Variants in TOLLIP observed in about 807,000 individuals in gnomAD.
TOLLIP encodes the protein toll-interacting protein.
Under a neutral mutation model 33.5 loss-of-function variants are expected in TOLLIP, and 16 were observed. That is an observed-to-expected ratio of 0.48 (90% CI 0.32 to 0.72). The LOEUF (loss-of-function observed/expected upper bound fraction) is 0.72. Ranked by LOEUF, TOLLIP falls within the 30% of genes least tolerant of loss-of-function variation. The pLI is 0.03. For synonymous variants in TOLLIP, 176 were observed against 163.7 expected (o/e 1.07, Z -0.57); for missense variants, 325 against 396.6 (o/e 0.82, Z 1.53).
intron 5 of TOLLIP, among the ~76,000 whole-genome samples, chr11:1,279,099 T>G (rs1470189652): frequency 1.3e-5 from 2 of 152,224 alleles, no homozygotes; most frequent in Non-Finnish European, 2.9e-5. Flanking sequence ...GGAGGGGAAC[T>G]GCTGCAAAAT....
chr11:1,305,381 AG>A (rs1413443695), intron 1 of TOLLIP, among the ~76,000 whole-genome samples: 2 of 152,182 alleles, frequency 1.3e-5, no homozygotes, highest in Non-Finnish European at 2.9e-5. Context: ...TCAGACACAC[AG>A]GATGCAGGAA....
At chr11:1,287,115 T>C (rs1017136985) in intron 4 of TOLLIP, among the ~76,000 whole-genome samples, 1 of 150,806 alleles carries the variant, frequency 6.6e-6, no homozygotes, top group African/African-American at 2.4e-5. Context: ...CTGTCAGCTG[T>C]GGATAAGTCA....
rs193085344 is a variant in TOLLIP, at chr11:1,300,710, A to C, written c.34-4916T>G. Among the ~76,000 whole-genome samples the C allele has an allele frequency of 3.9e-3, 598 of 152,288 alleles. 11 individuals carry two copies. The highest frequency in any genetic ancestry group is 0.015 in the Admixed American group (224 of 15,302). ...CCTTGACAGAGCCCCGGAAGAGCCCAGCTCAGCCCAGGACGTGGAGTCCTG... is the reference window on the plus strand; with the variant it reads ...CCTTGACAGAGCCCCGGAAGAGCCCCGCTCAGCCCAGGACGTGGAGTCCTG... On this transcript the variant is annotated intron_variant, in intron 1 of 5. Coordinates refer to ENST00000317204, the MANE Select transcript of TOLLIP (RefSeq NM_019009.4).
At position 1,278,495 on chromosome 11, in the gene TOLLIP, C is replaced by A. The variant is rs1055903487; in HGVS notation, c.611-1242G>T. ...CCTGCAGGGGTGTAAACGGAGCAGA[C>A]AGGGCTTGCCACCAAGCCTCCTGCA... On this transcript the variant is annotated intron_variant, in intron 5 of 5. Coordinates refer to ENST00000317204, the MANE Select transcript of TOLLIP (RefSeq NM_019009.4). This position sits in a 1 kb window ranked among gnomAD's most constrained non-coding sequence, Gnocchi z 4.7. 7.9e-5 allele frequency among the ~76,000 whole-genome samples: 12 copies of A among 152,326 alleles called. No individual in the cohort carries two copies. The highest frequency in any genetic ancestry group is 1.6e-4 in the Non-Finnish European group (11 of 68,022).
At chr11:1,280,483 C>T (rs1324132527) in intron 5 of TOLLIP, among the ~76,000 whole-genome samples, 1 of 151,738 alleles carries the variant, frequency 6.6e-6, no homozygotes. Flanking sequence ...GCCAGGATGA[C>T]GGGAGGGACT....
At chr11:1,280,406 G>A (rs969707980) in intron 5 of TOLLIP, among the ~76,000 whole-genome samples, 4 of 152,166 alleles carry the variant, frequency 2.6e-5, no homozygotes, top group African/African-American at 7.2e-5. Context: ...CTTTGTGGAC[G>A]GGCATTCATG....
rs1402673042 is a variant in TOLLIP at position 1,286,217 on chromosome 11, CAG to C, written c.520-127_520-126del. 7.2e-6 allele frequency: 5 copies of C among 693,798 alleles called. No homozygotes were observed. The East Asian group carries it at 1.4e-4, about 19-fold the overall frequency. The allele number at this position is 693,798 out of a possible 1,614,324, so 43.0% of individuals were successfully genotyped here. ...CAGAATCGCCCTCCCCATGCCAGCC[CAG>C]AATCACCCTCGCTACACGAGCCCTG... On this transcript the variant is annotated intron_variant, in intron 4 of 5. Coordinates refer to ENST00000317204, the MANE Select transcript of TOLLIP (RefSeq NM_019009.4).
intron 1 of TOLLIP, among the ~76,000 whole-genome samples, chr11:1,308,881 T>TG (rs374561701): frequency 5.0e-4 from 4 of 7,954 alleles, no homozygotes; most frequent in Non-Finnish European, 1.7e-3. Flanking sequence ...CGCCTCCACC[T>TG]GGGGGGGCCA....
intron 5 of TOLLIP, among the ~76,000 whole-genome samples, chr11:1,282,097 A>T (rs1863521265): frequency 6.6e-6 from 1 of 152,222 alleles, no homozygotes; most frequent in Admixed American, 6.5e-5. Flanking sequence ...GGCTCCTAAA[A>T]GCAGTGTTCT....
chr11:1,306,358 C>T (rs1308568745), intron 1 of TOLLIP, among the ~76,000 whole-genome samples: 2 of 151,976 alleles, frequency 1.3e-5, no homozygotes, highest in African/African-American at 2.4e-5. Flanking sequence ...CCCCTCTGCT[C>T]CTTCACGGCC....
At chr11:1,300,456 G>T (rs5743913) in intron 1 of TOLLIP, among the ~76,000 whole-genome samples, 3,976 of 152,292 alleles carry the variant, frequency 0.026, 159 homozygotes, top group African/African-American at 0.091. Flanking sequence ...TTTTGGCACA[G>T]AAATAAAGTC....
intron 1 of TOLLIP, chr11:1,298,600 G>A (rs1358379355): frequency 3.9e-5 from 6 of 152,272 alleles, no homozygotes; most frequent in Non-Finnish European, 8.8e-5. Context: ...AAGGCCTAAT[G>A]ATCAAGTGTC....
chr11:1,293,220 G>A (rs976752650), intron 2 of TOLLIP, among the ~76,000 whole-genome samples: 10 of 152,116 alleles, frequency 6.6e-5, no homozygotes, highest in African/African-American at 2.2e-4. Context: ...GGGAGAAGCC[G>A]GGAGGGTGGC....
At chr11:1,279,702 A>G (rs1389734928) in intron 5 of TOLLIP, among the ~76,000 whole-genome samples, 4 of 152,224 alleles carry the variant, frequency 2.6e-5, no homozygotes, top group African/African-American at 9.6e-5. Context: ...ATCTGCTGTC[A>G]TATCTTGGCA....
chr11:1,289,162 G>T (rs1196705571), intron 3 of TOLLIP, among the ~76,000 whole-genome samples: 1 of 152,200 alleles, frequency 6.6e-6, no homozygotes, highest in Non-Finnish European at 1.5e-5. Context: ...AGCAGCCGGG[G>T]TGCAGACTGG....
intron 4 of TOLLIP, 138 bp from the exon 5 acceptor site, chr11:1,286,230 G>A (rs1590211971): frequency 1.2e-5 from 8 of 654,492 alleles, no homozygotes; most frequent in Middle Eastern, 4.0e-4. Flanking sequence ...AATCACCCTC[G>A]CTACACGAGC....
Position 1,274,512 on chromosome 11 carries a change from TTC to T in TOLLIP, c.*2525_*2526del, listed in dbSNP as rs1772642701. 6.6e-6 allele frequency: 1 copy of T among 152,158 alleles called. No homozygotes were observed. Among genetic ancestry groups the T allele is most frequent in the Non-Finnish European group, 1.5e-5 (1 of 68,012 alleles). 9.4% of individuals were successfully genotyped at this position (152,158 alleles called of 1,614,324 possible). On this transcript the variant is annotated 3_prime_UTR_variant, in exon 6 of 6. Coordinates refer to ENST00000317204, the MANE Select transcript of TOLLIP (RefSeq NM_019009.4). ...CCAGTAAAATAATCAGAAGCGCACG[TTC>T]TGAGACCACTCCTGCCTGGCACCCT...
intron 1 of TOLLIP, among the ~76,000 whole-genome samples, chr11:1,300,153 CCA>C (rs772085030): frequency 1.4e-4 from 21 of 152,158 alleles, no homozygotes; most frequent in Non-Finnish European, 2.8e-4. Context: ...GGCTCTCATC[CCA>C]CAGAGCTCAC....
chr11:1,284,057 C>T (rs1219250282), intron 5 of TOLLIP, among the ~76,000 whole-genome samples: 1 of 152,248 alleles, frequency 6.6e-6, no homozygotes, highest in East Asian at 1.9e-4. Context: ...GTCCCAGTTA[C>T]AAATCAGAAC....
Sources: allele counts gnomAD v4.1 joint callset (sites outside exome capture counted in the v4.1 genomes callset), GRCh38; gene constraint gnomAD v4.1.1; non-coding constraint Gnocchi (gnomAD v3.1); transcripts MANE v1.5; gene names NCBI Gene and HGNC (gene_info 2026-07-23, HGNC 2026-07-21).